The following SUSD6 variants were observed in gnomAD, a reference collection of about 807,000 sequenced individuals.
The protein encoded by SUSD6 is sushi domain containing 6.
In SUSD6, 16 loss-of-function variants were observed where a neutral mutation model predicts 28.4. That is an observed-to-expected ratio of 0.56 (90% CI 0.38 to 0.86). The LOEUF (loss-of-function observed/expected upper bound fraction) is 0.86, where lower values mean the gene tolerates loss of function less well. Among genes scored for constraint, SUSD6 ranks in the 40% least tolerant of loss-of-function variants. The pLI is 0.00. For missense variants in SUSD6, 341 were observed against 384.2 expected, an observed-to-expected ratio of 0.89 and a Z score of 0.94; for synonymous variants, 147 against 159.6, an observed-to-expected ratio of 0.92 and a Z score of 0.59.
intron 1 of SUSD6, among the ~76,000 whole-genome samples, chr14:69,635,387 C>G (rs2139599232): frequency 6.6e-6 from 1 of 152,224 alleles, no homozygotes; most frequent in African/African-American, 2.4e-5. Context: ...CTTTTTCCAC[C>G]CTCTTCTATA....
intron 2 of SUSD6, among the ~76,000 whole-genome samples, chr14:69,669,814 T>C (rs1401705725): frequency 1.3e-5 from 2 of 151,426 alleles, no homozygotes; most frequent in African/African-American, 4.9e-5. Flanking sequence ...TTGTGTGTGT[T>C]TATTGAATGG....
At chr14:69,623,824 A>G (rs1463812460) in intron 1 of SUSD6, among the ~76,000 whole-genome samples, 1 of 152,246 alleles carries the variant, frequency 6.6e-6, no homozygotes, top group Non-Finnish European at 1.5e-5. Context: ...AGATAAGGAT[A>G]TAAAGAAAGA....
intron 1 of SUSD6, among the ~76,000 whole-genome samples, chr14:69,626,366 A>T (rs759088360): frequency 1.1e-4 from 16 of 152,244 alleles, no homozygotes; most frequent in Non-Finnish European, 2.2e-4. Flanking sequence ...TGAAAAATAC[A>T]GACAATGCAG....
chr14:69,641,437 A>G (rs971880209), intron 1 of SUSD6, among the ~76,000 whole-genome samples: 4 of 151,494 alleles, frequency 2.6e-5, no homozygotes, highest in African/African-American at 9.7e-5. Flanking sequence ...TTCTTTTTTC[A>G]GTCTTTTTTC....
intron 2 of SUSD6, among the ~76,000 whole-genome samples, chr14:69,665,019 C>T (rs993150758): frequency 7.9e-5 from 12 of 152,068 alleles, no homozygotes; most frequent in African/African-American, 9.7e-5. Context: ...TGCTGGTGTG[C>T]CTGGCTGCCT....
At chr14:69,658,745 G>T (rs767447818) in intron 2 of SUSD6, 32 bp downstream of exon 2, 4 of 1,613,474 alleles carry the variant, frequency 2.5e-6, no homozygotes, top group Non-Finnish European at 3.4e-6. Flanking sequence ...GTGTGTGGGT[G>T]GGAAAATATT....
chr14:69,645,664 C>G (rs1344833762), intron 1 of SUSD6, among the ~76,000 whole-genome samples: 1 of 152,100 alleles, frequency 6.6e-6, no homozygotes, highest in Non-Finnish European at 1.5e-5. Context: ...AAGACACAAA[C>G]CCCCTCTAGT....
intron 1 of SUSD6, among the ~76,000 whole-genome samples, chr14:69,655,496 A>G (rs1035744129): frequency 6.6e-6 from 1 of 152,132 alleles, no homozygotes; most frequent in Non-Finnish European, 1.5e-5. Flanking sequence ...GAAGGATTCT[A>G]TATTGATTAT....
At position 69,711,362 on chromosome 14, in the gene SUSD6, C is replaced by T. The variant is rs971456596; in HGVS notation, c.*383C>T. Reference sequence around the variant, plus strand: ...GCTGTGTTTACTTGTGCCTTTCCCCCACCCTGTCCAGTTTCCCTGTCATGC... The same window carrying T: ...GCTGTGTTTACTTGTGCCTTTCCCCTACCCTGTCCAGTTTCCCTGTCATGC... On this transcript the variant is annotated 3_prime_UTR_variant, in exon 6 of 6. Transcript: ENST00000342745. 1 of 258,430 alleles carries T rather than the reference C, an allele frequency of 3.9e-6. No homozygotes were observed. The highest frequency in any genetic ancestry group is 5.1e-5 in the Admixed American group (1 of 19,786). The allele number at this position is 258,430 out of a possible 1,614,324, so 16.0% of individuals were successfully genotyped here. A position where few individuals can be genotyped will look rare whatever the true frequency, so the allele number is the denominator to read the frequency against.
At chr14:69,659,287 C>T (rs1477972476) in intron 2 of SUSD6, among the ~76,000 whole-genome samples, 3 of 152,138 alleles carry the variant, frequency 2.0e-5, no homozygotes, top group African/African-American at 4.8e-5. Context: ...AAATAAGACC[C>T]GGTCACTGAC....
At chr14:69,701,133 C>G (rs1385294738) in intron 2 of SUSD6, among the ~76,000 whole-genome samples, 1 of 152,096 alleles carries the variant, frequency 6.6e-6, no homozygotes, top group Non-Finnish European at 1.5e-5. Context: ...CACAGTGACC[C>G]CCTACTCAGA....
intron 2 of SUSD6, among the ~76,000 whole-genome samples, chr14:69,699,484 G>A (rs906124169): frequency 2.0e-5 from 3 of 151,330 alleles, no homozygotes; most frequent in African/African-American, 7.3e-5. Flanking sequence ...GATTGTAGGC[G>A]TGAGCCACTG....
intron 1 of SUSD6, among the ~76,000 whole-genome samples, chr14:69,647,938 T>G (rs1007917514): frequency 6.6e-6 from 1 of 151,964 alleles, no homozygotes; most frequent in African/African-American, 2.4e-5. Flanking sequence ...TGAGCCGAGA[T>G]TGCGCCACTG....
intron 2 of SUSD6, among the ~76,000 whole-genome samples, chr14:69,691,042 A>G (rs116574883): frequency 1.2e-3 from 183 of 152,286 alleles, no homozygotes; most frequent in African/African-American, 4.2e-3. Flanking sequence ...CTTTCTTCAG[A>G]AAAGACCATT....
chr14:69,680,734 T>TA (rs1885986370), intron 2 of SUSD6, among the ~76,000 whole-genome samples: 1 of 152,200 alleles, frequency 6.6e-6, no homozygotes, highest in African/African-American at 2.4e-5. Flanking sequence ...AAGCCTTGCT[T>TA]ATGCTGTTCC....
intron 4 of SUSD6, 93 bp downstream of exon 4, chr14:69,704,835 C>G: frequency 1.5e-6 from 2 of 1,371,288 alleles, no homozygotes; most frequent in Admixed American, 1.9e-5. Context: ...TGGCCCCAAT[C>G]TCTGTGGGTC....
intron 1 of SUSD6, among the ~76,000 whole-genome samples, chr14:69,612,851 A>G (rs957753887): frequency 6.6e-6 from 1 of 152,154 alleles, no homozygotes; most frequent in Non-Finnish European, 1.5e-5. Context: ...GATGGGAAGT[A>G]TGTCTTTCCT....
chr14:69,662,635 A>C (rs1452837386), intron 2 of SUSD6, among the ~76,000 whole-genome samples: 1 of 152,250 alleles, frequency 6.6e-6, no homozygotes, highest in Non-Finnish European at 1.5e-5. Flanking sequence ...TGGATAGACC[A>C]GAATTAAAAA....
chr14:69,703,262 A>T, intron 2 of SUSD6, 133 bp from the exon 3 acceptor site: 1 of 742,152 alleles, frequency 1.3e-6, no homozygotes, highest in Non-Finnish European at 2.2e-6. Flanking sequence ...GGGTTTGGTT[A>T]ACAGTTCCTC....
Sources: allele counts gnomAD v4.1 joint callset (sites outside exome capture counted in the v4.1 genomes callset), GRCh38; gene constraint gnomAD v4.1.1; transcripts MANE v1.5; gene names NCBI Gene and HGNC (gene_info 2026-07-23, HGNC 2026-07-21).